Variants in CCSER1 observed in about 807,000 individuals in gnomAD.
CCSER1 encodes coiled-coil serine rich protein 1.
CCSER1 carries 41 observed loss-of-function variants against 82.0 expected under a neutral mutation model. The ratio of observed to expected loss-of-function variants is 0.50; its 90% CI spans 0.39 to 0.65. The LOEUF (loss-of-function observed/expected upper bound fraction) is 0.65. CCSER1 is among the 30% of genes least tolerant of loss of function. The pLI, the probability that CCSER1 is intolerant of heterozygous loss-of-function variation, is 0.00. For missense variants in CCSER1, 1,119 were observed against 1,064.2 expected, an observed-to-expected ratio of 1.05 and a Z score of -0.72; for synonymous variants, 414 against 383.9, an observed-to-expected ratio of 1.08 and a Z score of -0.92.
intron 10 of CCSER1, among the ~76,000 whole-genome samples, chr4:91,149,672 G>C (rs1729941372): frequency 6.6e-6 from 1 of 152,176 alleles, no homozygotes; most frequent in Non-Finnish European, 1.5e-5. Context: ...GTAAGGAAGG[G>C]ATCCAGTTTC....
At chr4:90,780,680 G>GCT in intron 7 of CCSER1, 1 of 1,326,976 alleles carries the variant, frequency 7.5e-7, no homozygotes, top group African/African-American at 1.5e-5. Flanking sequence ...AACTAAGGAG[G>GCT]CTCTGTAAGC....
chr4:91,174,227 C>A (rs1053324774), intron 10 of CCSER1, among the ~76,000 whole-genome samples: 2 of 152,034 alleles, frequency 1.3e-5, no homozygotes, highest in African/African-American at 4.8e-5. Context: ...GCAGTCTTTT[C>A]TTTCCTTCTT....
intron 3 of CCSER1, among the ~76,000 whole-genome samples, chr4:90,363,638 C>T (rs767675128): frequency 1.5e-4 from 23 of 152,020 alleles, no homozygotes; most frequent in Non-Finnish European, 2.5e-4. Flanking sequence ...TATTTAATAA[C>T]AGCATGTACC....
Position 90,583,593 on chromosome 4 carries a change from C to T in CCSER1, c.1725-44432C>T, listed in dbSNP as rs150460812. Among the ~76,000 whole-genome samples the T allele has an allele frequency of 8.5e-3, 1,299 of 151,994 alleles. 10 individuals are homozygous for T. Among genetic ancestry groups the T allele is most frequent in the Middle Eastern group, 0.014 (4 of 294 alleles). ...CTGCCAAACATGCTAAAATGTTAAC[C>T]TATATCTTGGTGACGACCGAAACTT... On this transcript the variant is annotated intron_variant, in intron 5 of 10. Coordinates refer to ENST00000509176, the MANE Select transcript of CCSER1 (RefSeq NM_001145065.2).
chr4:90,980,358 C>A (rs1479385249), intron 9 of CCSER1, among the ~76,000 whole-genome samples: 2 of 151,772 alleles, frequency 1.3e-5, no homozygotes, highest in African/African-American at 4.8e-5. Flanking sequence ...GTGGACTGAG[C>A]AAGGGGGAGA....
chr4:90,964,906 C>T, intron 9 of CCSER1, among the ~76,000 whole-genome samples: 1 of 152,080 alleles, frequency 6.6e-6, no homozygotes, highest in African/African-American at 2.4e-5. Context: ...TGCCCACTTT[C>T]TCTACCTCAT....
At chr4:90,904,934 C>A (rs1035134045) in intron 8 of CCSER1, among the ~76,000 whole-genome samples, 13 of 152,084 alleles carry the variant, frequency 8.5e-5, no homozygotes, top group African/African-American at 3.1e-4. Context: ...CCAATTGAAC[C>A]TGCTTCTCCT....
chr4:90,308,357 A>G lies in CCSER1; in HGVS notation c.73A>G (p.Arg25Gly). The change falls in exon 2 of 11, where the codon AGA becomes GGA. Residue 25 changes from arginine (R) to glycine (G), a missense_variant. Coordinates refer to ENST00000509176, the MANE Select transcript of CCSER1 (RefSeq NM_001145065.2). The stretch of plus-strand genomic sequence containing the variant: ...AATATTCAGAAGAAGTATTAACAGA[A>G]GACATGATTCTCTTCCTTCTTCACC... The part of the protein sequence containing the change: ...LPIFRRSINR[R>G]HDSLPSSPSS... The G allele has an allele frequency of 1.2e-6, 2 of 1,613,220 alleles. No homozygotes were observed. Among genetic ancestry groups the G allele is most frequent in the Non-Finnish European group, 1.7e-6 (2 of 1,179,594 alleles).
intron 7 of CCSER1, among the ~76,000 whole-genome samples, chr4:90,779,457 C>A (rs984709030): frequency 7.9e-5 from 12 of 152,110 alleles, no homozygotes; most frequent in African/African-American, 2.7e-4. Context: ...CTGTCCCTAG[C>A]ACCATTTTAT....
chr4:91,134,125 A>C (rs1728248853), intron 10 of CCSER1, among the ~76,000 whole-genome samples: 1 of 152,128 alleles, frequency 6.6e-6, no homozygotes, highest in Non-Finnish European at 1.5e-5. Flanking sequence ...TCAAAAAATT[A>C]AACTTGGAAT....
At chr4:90,648,005 T>G (rs1298575895) in intron 6 of CCSER1, among the ~76,000 whole-genome samples, 1 of 152,134 alleles carries the variant, frequency 6.6e-6, no homozygotes, top group Admixed American at 6.5e-5. Flanking sequence ...TTATACGATA[T>G]TTTAATTGTG....
At chr4:90,187,827 G>T (rs1734892319) in intron 1 of CCSER1, among the ~76,000 whole-genome samples, 1 of 151,874 alleles carries the variant, frequency 6.6e-6, no homozygotes, top group Non-Finnish European at 1.5e-5. Flanking sequence ...TACTGATCAT[G>T]TGATACACAA....
chr4:91,519,023 A>G (rs1760302059), intron 10 of CCSER1, among the ~76,000 whole-genome samples: 1 of 152,156 alleles, frequency 6.6e-6, no homozygotes, highest in Non-Finnish European at 1.5e-5. Context: ...TTAGAGTGGT[A>G]CCACTGCATC....
chr4:91,098,715 G>T (rs1377780547), intron 10 of CCSER1, among the ~76,000 whole-genome samples: 1 of 151,930 alleles, frequency 6.6e-6, no homozygotes, highest in Non-Finnish European at 1.5e-5. Flanking sequence ...CTAATTTTTT[G>T]TATTTTTAGT....
chr4:91,157,760 C>A (rs867872946), intron 10 of CCSER1, among the ~76,000 whole-genome samples: 1 of 151,918 alleles, frequency 6.6e-6, no homozygotes, highest in African/African-American at 2.4e-5. Flanking sequence ...AATCTGGGAA[C>A]CCTATCCCCC....
chr4:91,531,574 T>A (rs553895849), intron 10 of CCSER1, among the ~76,000 whole-genome samples: 66 of 152,338 alleles, frequency 4.3e-4, no homozygotes, highest in African/African-American at 1.5e-3. Flanking sequence ...AGTTACTCCA[T>A]GTTTTAGTCC....
Position 90,429,654 on chromosome 4 carries a change from G to C in CCSER1, c.1603+29525G>C, listed in dbSNP as rs374250315. Among the ~76,000 whole-genome samples, 26 of 151,836 alleles carry C rather than the reference G, an allele frequency of 1.7e-4. No homozygotes were observed. The East Asian group carries it at 2.7e-3, about 16-fold the overall frequency. ...AGTGTTACGGACAAGAATTAGTTGA[G>C]ACTATATTTTAAGTGACATAAGCAG... On this transcript the variant is annotated intron_variant, in intron 4 of 10. Coordinates refer to ENST00000509176, the MANE Select transcript of CCSER1 (RefSeq NM_001145065.2).
intron 10 of CCSER1, among the ~76,000 whole-genome samples, chr4:91,588,399 A>G (rs1221957591): frequency 1.3e-5 from 2 of 151,684 alleles, no homozygotes; most frequent in African/African-American, 4.8e-5. Context: ...TCAACTCTTT[A>G]TACAGCAAAA....
intron 10 of CCSER1, among the ~76,000 whole-genome samples, chr4:91,460,879 T>C (rs1459091865): frequency 1.3e-5 from 2 of 152,140 alleles, no homozygotes; most frequent in Admixed American, 6.6e-5. Flanking sequence ...TTTCTATTCC[T>C]TGGGGATGGA....
Sources: gnomAD v4.1 joint callset for allele counts (sites outside exome capture counted in the v4.1 genomes callset) on GRCh38, gnomAD v4.1.1 for gene constraint, MANE v1.5 for transcripts, NCBI Gene and HGNC (gene_info 2026-07-23, HGNC 2026-07-21) for gene names.